ANO6: variants seen among roughly 807,000 people sequenced by gnomAD.
ANO6 encodes the protein anoctamin 6.
ANO6 carries 106 observed loss-of-function variants against 117.5 expected under a neutral mutation model. The observed-to-expected ratio is 0.90, with a 90% confidence interval of 0.77 to 1.06. The LOEUF (loss-of-function observed/expected upper bound fraction) is 1.06, where lower values mean the gene tolerates loss of function less well. Among genes scored for constraint, ANO6 ranks in the 50% least tolerant of loss-of-function variants. The pLI is 0.00. For missense variants in ANO6, 955 were observed against 1,121.1 expected (o/e 0.85, Z 2.12); for synonymous variants, 367 against 385.1 (o/e 0.95, Z 0.55).
intron 19 of ANO6, among the ~76,000 whole-genome samples, chr12:45,426,428 C>T (rs1943504195): frequency 6.6e-6 from 1 of 152,192 alleles, no homozygotes; most frequent in Non-Finnish European, 1.5e-5. Context: ...CTCTTTTCCT[C>T]TTTGTGGCCA....
At chr12:45,282,148 A>C (rs1938758778) in intron 1 of ANO6, among the ~76,000 whole-genome samples, 1 of 152,194 alleles carries the variant, frequency 6.6e-6, no homozygotes, top group South Asian at 2.1e-4. Flanking sequence ...ATTGAAGAAC[A>C]GCTTTGAGTG....
intron 2 of ANO6, among the ~76,000 whole-genome samples, chr12:45,303,307 C>A (rs374957720): frequency 8.5e-5 from 13 of 152,214 alleles, no homozygotes; most frequent in Admixed American, 1.3e-4. Flanking sequence ...CTTAAAGTAG[C>A]AGAGCAATTT....
At chr12:45,282,051 CG>C (rs1938756371) in intron 1 of ANO6, among the ~76,000 whole-genome samples, 1 of 149,244 alleles carries the variant, frequency 6.7e-6, no homozygotes, top group South Asian at 2.1e-4. Flanking sequence ...GTGGGGGATG[CG>C]GAAGGGAGGC....
At chr12:45,275,877 C>T (rs1419714826) in intron 1 of ANO6, among the ~76,000 whole-genome samples, 2 of 152,192 alleles carry the variant, frequency 1.3e-5, no homozygotes, top group Non-Finnish European at 2.9e-5. Context: ...CTTCTGTCTA[C>T]ATGCTCATCT....
intron 10 of ANO6, among the ~76,000 whole-genome samples, chr12:45,385,341 G>C (rs1034941106): frequency 6.6e-6 from 1 of 152,182 alleles, no homozygotes; most frequent in East Asian, 1.9e-4. Context: ...ATTACAGAGT[G>C]GGAGACAGAG....
rs112873407 is a variant in ANO6 at position 45,429,208 on chromosome 12, T to C, written c.2630T>C (p.Leu877Pro). 6.2e-7 allele frequency: 1 copy of C among 1,613,960 alleles called. No individual in the cohort carries two copies. The highest frequency in any genetic ancestry group is 8.5e-7 in the Non-Finnish European group (1 of 1,179,944). Residue 877 changes from leucine (L) to proline (P), a missense_variant, in exon 20 of 20, where the codon CTT (leucine) becomes CCT (proline). Leu to Pro is a moderately conservative substitution (Grantham distance 98). Coordinates refer to ENST00000320560, the MANE Select transcript of ANO6 (RefSeq NM_001025356.3). Reference protein sequence around the residue: ...IQREKYLTQKLLHENHLKDMT... With the variant: ...IQREKYLTQKPLHENHLKDMT... ...AGAGAAAAATACCTAACCCAAAAGC[T>C]TCTTCATGAGAATCACCTCAAAGAT...
chr12:45,436,230 C>T (rs1943705640), downstream of ANO6, among the ~76,000 whole-genome samples: 1 of 152,202 alleles, frequency 6.6e-6, no homozygotes, highest in South Asian at 2.1e-4. Flanking sequence ...TAGCTGCCTA[C>T]AGCTTCCCCA....
chr12:45,424,339 T>TTG (rs1555181070), intron 19 of ANO6, among the ~76,000 whole-genome samples: 1 of 126,432 alleles, frequency 7.9e-6, no homozygotes, highest in Non-Finnish European at 1.7e-5. Flanking sequence ...TTTTTTTTTT[T>TTG]TTTTTTTTTT....
intron 1 of ANO6, among the ~76,000 whole-genome samples, chr12:45,241,472 T>C (rs1339092221): frequency 6.6e-6 from 1 of 152,220 alleles, no homozygotes; most frequent in Non-Finnish European, 1.5e-5. Flanking sequence ...TCAAGGTTTT[T>C]AGTTTCCTTG....
Position 45,429,884 on chromosome 12 carries a change from T to C in ANO6, c.*573T>C, listed in dbSNP as rs934919565. 4 of 989,592 alleles carry C rather than the reference T, an allele frequency of 4.0e-6. No homozygotes were observed. The highest frequency in any genetic ancestry group is 4.8e-6 in the Non-Finnish European group (4 of 832,492). 61.3% of individuals were successfully genotyped at this position (989,592 alleles called of 1,614,324 possible). On this transcript the variant is annotated 3_prime_UTR_variant, in exon 20 of 20. Coordinates refer to ENST00000320560, the MANE Select transcript of ANO6 (RefSeq NM_001025356.3). Reference sequence around the variant, plus strand: ...AGTTAATCAGAGGAAATAGTTTCAGTCTTCATTTGAGCATGTCTTTCCATC... The same window carrying C: ...AGTTAATCAGAGGAAATAGTTTCAGCCTTCATTTGAGCATGTCTTTCCATC...
intron 1 of ANO6, among the ~76,000 whole-genome samples, chr12:45,227,766 C>A (rs189685690): frequency 6.4e-4 from 97 of 152,168 alleles, no homozygotes; most frequent in Middle Eastern, 6.8e-3. Context: ...TGGTATTATG[C>A]CTGTAGGAAC....
At chr12:45,228,123 GTTTTT>G (rs57127691) in intron 1 of ANO6, 1,706 of 282,656 alleles carry the variant, frequency 6.0e-3, no homozygotes, top group East Asian at 0.023. Context: ...TTTTTGTGTT[GTTTTT>G]TTTTTTTTTT....
chr12:45,333,553 C>A (rs996383621), intron 3 of ANO6, among the ~76,000 whole-genome samples: 2 of 151,970 alleles, frequency 1.3e-5, no homozygotes, highest in African/African-American at 4.8e-5. Flanking sequence ...TTGCTTCAGA[C>A]AGAAACATAG....
intron 1 of ANO6, among the ~76,000 whole-genome samples, chr12:45,287,169 G>A (rs764006164): frequency 6.6e-6 from 1 of 152,132 alleles, no homozygotes; most frequent in Admixed American, 6.6e-5. Context: ...TCTTCTCTAG[G>A]GCTGCTTAAA....
intron 1 of ANO6, among the ~76,000 whole-genome samples, chr12:45,272,967 T>C (rs1418966933): frequency 6.6e-6 from 1 of 152,184 alleles, no homozygotes; most frequent in Non-Finnish European, 1.5e-5. Context: ...TGGAATGTTA[T>C]TCAGCCTTAA....
chr12:45,416,876 G>A lies in ANO6; in HGVS notation c.2189G>A (p.Gly730Glu), dbSNP rs771500397. 6.2e-7 allele frequency: 1 copy of A among 1,614,154 alleles called. No individual in the cohort carries two copies. Among genetic ancestry groups the A allele is most frequent in the Admixed American group, 1.7e-5 (1 of 60,008 alleles). Residue 730 changes from glycine (G) to glutamate (E), a missense_variant, in exon 17 of 20, where the codon GGA (glycine) becomes GAA (glutamate). Physicochemically the swap from Gly to Glu is moderately conservative, Grantham distance 98. Transcript: ENST00000320560. Reference protein sequence around the residue: ...DIGAWQPIMQGIAILAVVTNA... With the variant: ...DIGAWQPIMQEIAILAVVTNA... ...GGAGCATGGCAGCCCATCATGCAAG[G>A]AATAGCAATTCTGGCTGTGGTGACC...
chr12:45,285,654 G>A (rs1001936306), intron 1 of ANO6, among the ~76,000 whole-genome samples: 1 of 151,776 alleles, frequency 6.6e-6, no homozygotes, highest in Non-Finnish European at 1.5e-5. Flanking sequence ...GCTTGAACCC[G>A]GGAGGCAGAG....
chr12:45,290,110 G>A (rs1939046454), intron 1 of ANO6, among the ~76,000 whole-genome samples: 1 of 152,016 alleles, frequency 6.6e-6, no homozygotes, highest in African/African-American at 2.4e-5. Context: ...TTTGGGTAAG[G>A]CATGCTGTTC....
chr12:45,369,286 A>G (rs1863549), intron 9 of ANO6, among the ~76,000 whole-genome samples: 8,472 of 152,256 alleles, frequency 0.056, 473 homozygotes, highest in East Asian at 0.32. Context: ...GCTAAAGGGC[A>G]CTAGTTAGCT....
Sources: allele counts gnomAD v4.1 joint callset (sites outside exome capture counted in the v4.1 genomes callset), GRCh38; gene constraint gnomAD v4.1.1; transcripts MANE v1.5; gene names NCBI Gene and HGNC (gene_info 2026-07-23, HGNC 2026-07-21).